GKAP1: variants seen among roughly 807,000 people sequenced by gnomAD.
The protein encoded by GKAP1 is G kinase-anchoring protein 1.
A neutral mutation model predicts 56.7 loss-of-function variants in GKAP1; 31 were observed. That is an observed-to-expected ratio of 0.55 (90% CI 0.41 to 0.74). The LOEUF is 0.74. Ranked by LOEUF, GKAP1 falls within the 30% of genes least tolerant of loss-of-function variation. GKAP1 has a pLI of 0.00. For synonymous variants in GKAP1, 151 were observed against 138.6 expected, an observed-to-expected ratio of 1.09 and a Z score of -0.63; for missense variants, 364 against 402.3, an observed-to-expected ratio of 0.90 and a Z score of 0.82.
intron 3 of GKAP1, among the ~76,000 whole-genome samples, chr9:83,803,192 C>T (rs929720931): frequency 3.7e-4 from 56 of 152,072 alleles, no homozygotes; most frequent in Non-Finnish European, 2.8e-4. Context: ...ATCATGAGTT[C>T]AATTAAATAA....
chr9:83,817,422 C>T (rs1944635661), intron 1 of GKAP1, 95 bp downstream of exon 1: 1 of 149,440 alleles, frequency 6.7e-6, no homozygotes, highest in Non-Finnish European at 1.5e-5. Context: ...CCACCCGAGG[C>T]CGGGGCGCCG....
At position 83,761,699 on chromosome 9, in the gene GKAP1, C is replaced by CT. The variant is rs539203750; in HGVS notation, c.738+7118_738+7119insA. ...GAATTCAACAACACATTAAAAAGAT[C>CT]ATTCATTATGACCAAGTGGGATTTA... On this transcript the variant is annotated intron_variant, in intron 8 of 12. Transcript: ENST00000376371. Among the ~76,000 whole-genome samples, 692 of 152,176 alleles carry CT rather than the reference C, an allele frequency of 4.5e-3. 3 individuals carry two copies. The highest frequency in any genetic ancestry group is 0.016 in the African/African-American group (650 of 41,552).
At chr9:83,771,943 C>T (rs1268444501) in intron 7 of GKAP1, among the ~76,000 whole-genome samples, 1 of 150,998 alleles carries the variant, frequency 6.6e-6, no homozygotes, top group Non-Finnish European at 1.5e-5. Context: ...TCATGCCTAT[C>T]ACAAAGGGCA....
At chr9:83,764,239 A>G (rs1230364400) in intron 8 of GKAP1, among the ~76,000 whole-genome samples, 1 of 152,140 alleles carries the variant, frequency 6.6e-6, no homozygotes, top group Admixed American at 6.5e-5. Context: ...TGTCAAGGTG[A>G]AACTAGGTGG....
intron 8 of GKAP1, among the ~76,000 whole-genome samples, chr9:83,759,048 T>G (rs1943525645): frequency 1.3e-5 from 2 of 152,104 alleles, no homozygotes; most frequent in Admixed American, 1.3e-4. Flanking sequence ...GAATTTTATG[T>G]ACGACACATT....
At chr9:83,815,673 C>T (rs1321554199) in intron 2 of GKAP1, among the ~76,000 whole-genome samples, 5 of 152,076 alleles carry the variant, frequency 3.3e-5, no homozygotes, top group Non-Finnish European at 4.4e-5. Context: ...TAGCCATCTT[C>T]TATTAACACT....
At chr9:83,794,567 C>T (rs1481679273) in intron 4 of GKAP1, among the ~76,000 whole-genome samples, 2 of 152,140 alleles carry the variant, frequency 1.3e-5, no homozygotes, top group East Asian at 3.9e-4. Context: ...TACTAACAGA[C>T]ATGTCACTTC....
At chr9:83,793,915 C>T (rs1944202905) in intron 4 of GKAP1, among the ~76,000 whole-genome samples, 1 of 152,078 alleles carries the variant, frequency 6.6e-6, no homozygotes, top group African/African-American at 2.4e-5. Context: ...GCCTACAATC[C>T]CAGCACTTTG....
intron 7 of GKAP1, among the ~76,000 whole-genome samples, chr9:83,778,403 G>C (rs936947442): frequency 1.3e-5 from 2 of 152,110 alleles, no homozygotes; most frequent in African/African-American, 4.8e-5. Flanking sequence ...CAGGGACATG[G>C]ATAGAGCTGG....
chr9:83,813,096 A>T (rs1944534832), intron 2 of GKAP1, among the ~76,000 whole-genome samples: 2 of 152,176 alleles, frequency 1.3e-5, no homozygotes, highest in African/African-American at 4.8e-5. Flanking sequence ...CTTGTGTCCT[A>T]AACTTCTGCA....
intron 4 of GKAP1, chr9:83,792,936 CAAG>C (rs1268390731): frequency 1.8e-6 from 2 of 1,087,858 alleles, no homozygotes; most frequent in Non-Finnish European, 2.3e-6. Context: ...CTACAGAATT[CAAG>C]AAGATACTTA....
intron 8 of GKAP1, among the ~76,000 whole-genome samples, chr9:83,762,466 GT>G (rs1943590117): frequency 2.0e-5 from 3 of 152,110 alleles, no homozygotes; most frequent in Admixed American, 6.6e-5. Context: ...TTGTTAAAAT[GT>G]CGATACCACC....
intron 4 of GKAP1, among the ~76,000 whole-genome samples, chr9:83,795,700 G>A (rs556051009): frequency 4.7e-5 from 7 of 148,640 alleles, no homozygotes; most frequent in Non-Finnish European, 1.0e-4. Flanking sequence ...ACAGGCATGC[G>A]CTACCACATC....
intron 5 of GKAP1, 150 bp from the exon 6 acceptor site, chr9:83,784,988 T>C: frequency 1.9e-6 from 1 of 513,924 alleles, no homozygotes; most frequent in Non-Finnish European, 3.3e-6. Flanking sequence ...TATAAAGAGA[T>C]ACCTCTTTAT....
chr9:83,745,378 T>C (rs1332818637), intron 10 of GKAP1, among the ~76,000 whole-genome samples: 3 of 152,184 alleles, frequency 2.0e-5, no homozygotes, highest in Non-Finnish European at 2.9e-5. Flanking sequence ...GAACACATGC[T>C]GCATTATTAC....
At chr9:83,750,473 T>C (rs1943370070) in intron 9 of GKAP1, among the ~76,000 whole-genome samples, 1 of 152,194 alleles carries the variant, frequency 6.6e-6, no homozygotes, top group Non-Finnish European at 1.5e-5. Flanking sequence ...ACTTATCCAT[T>C]GTTTTAGCAG....
Position 83,775,935 on chromosome 9 carries a change from C to G in GKAP1, c.585+4447G>C, listed in dbSNP as rs1453228718. ...AGAAAAGAAAAAGAAATGAATCTATCAAACCTCAAAAGCTAATTAACAGTT... is the reference window on the plus strand; with the variant it reads ...AGAAAAGAAAAAGAAATGAATCTATGAAACCTCAAAAGCTAATTAACAGTT... On this transcript the variant is annotated intron_variant, in intron 7 of 12. Coordinates refer to ENST00000376371, the MANE Select transcript of GKAP1 (RefSeq NM_025211.4). 2.9e-5 allele frequency among the ~76,000 whole-genome samples: 4 copies of G among 139,232 alleles called. No homozygotes were observed. In the East Asian group the frequency reaches 8.7e-4, roughly 30 times the overall value. The allele number at this position is 139,232 out of a possible 152,430, so 91.3% of individuals were successfully genotyped here.
At chr9:83,813,630 T>C (rs1288057733) in intron 2 of GKAP1, among the ~76,000 whole-genome samples, 3 of 152,214 alleles carry the variant, frequency 2.0e-5, no homozygotes, top group Admixed American at 2.0e-4. Flanking sequence ...TAATGTATAG[T>C]TGAAGGAAGA....
At chr9:83,750,001 C>T (rs917945427) in intron 9 of GKAP1, among the ~76,000 whole-genome samples, 3 of 152,140 alleles carry the variant, frequency 2.0e-5, no homozygotes, top group Admixed American at 1.3e-4. Context: ...AAACTACACT[C>T]GCTATGAAAT....
Sources: gnomAD v4.1 joint callset for allele counts (sites outside exome capture counted in the v4.1 genomes callset) on GRCh38, gnomAD v4.1.1 for gene constraint, MANE v1.5 for transcripts, NCBI Gene and HGNC (gene_info 2026-07-23, HGNC 2026-07-21) for gene names.